Variants in SP100 observed in about 807,000 individuals in gnomAD.
SP100 encodes the protein SP100 nuclear body protein.
A neutral mutation model predicts 130.0 loss-of-function variants in SP100; 84 were observed. The observed-to-expected ratio is 0.65, with a 90% confidence interval of 0.54 to 0.77. The LOEUF is 0.77. SP100 is among the 30% of genes least tolerant of loss of function. The pLI is 0.00. For missense variants in SP100, 978 were observed against 1,052.2 expected, an observed-to-expected ratio of 0.93 and a Z score of 0.97; for synonymous variants, 331 against 351.7, an observed-to-expected ratio of 0.94 and a Z score of 0.66.
chr2:230,528,363 T>A lies in SP100; in HGVS notation c.2095-10904T>A, dbSNP rs763381715. On this transcript the variant is annotated intron_variant, in intron 24 of 28. Transcript: ENST00000340126. ...AACGAAATGAAGGCAGAAATAAATATGTTCTTTGAAACCAATGAGAACAAA... is the reference window on the plus strand; with the variant it reads ...AACGAAATGAAGGCAGAAATAAATAAGTTCTTTGAAACCAATGAGAACAAA... Among the ~76,000 whole-genome samples, 6 of 152,318 alleles carry A rather than the reference T, an allele frequency of 3.9e-5. No homozygotes were observed. In the East Asian group the frequency reaches 9.6e-4, roughly 24 times the overall value.
chr2:230,421,417 A>C (rs1359563974), intron 2 of SP100, among the ~76,000 whole-genome samples: 1 of 151,976 alleles, frequency 6.6e-6, no homozygotes, highest in Non-Finnish European at 1.5e-5. Flanking sequence ...TGTGGATTAC[A>C]TGTATACCTC....
At position 230,524,366 on chromosome 2, in the gene SP100, A is replaced by G. The variant is rs923471754; in HGVS notation, c.2094+13200A>G. On this transcript the variant is annotated intron_variant, in intron 24 of 28. Coordinates refer to ENST00000340126, the MANE Select transcript of SP100 (RefSeq NM_001080391.2). ...AGTGAGATTCCATCTCAAAAAAAAA[A>G]AAAAAGAAAAAGAAAAGAAAAGGAA... Among the ~76,000 whole-genome samples the G allele has an allele frequency of 2.0e-5, 3 of 149,526 alleles. 1 individual carries two copies. The highest frequency in any genetic ancestry group is 2.5e-5 in the African/African-American group (1 of 39,864).
intron 17 of SP100, among the ~76,000 whole-genome samples, chr2:230,486,192 G>A (rs2066081507): frequency 6.6e-6 from 1 of 152,202 alleles, no homozygotes. Flanking sequence ...CCAGGAGAGA[G>A]GGTGAGCTAC....
At chr2:230,445,477 T>C (rs74572125) in intron 4 of SP100, among the ~76,000 whole-genome samples, 3,170 of 152,298 alleles carry the variant, frequency 0.021, 128 homozygotes, top group African/African-American at 0.073. Flanking sequence ...GAATTTAAAG[T>C]TAAGGAATTT....
At chr2:230,449,028 G>T in intron 5 of SP100, 60 bp from the exon 6 acceptor site, 1 of 1,093,100 alleles carries the variant, frequency 9.1e-7, no homozygotes, top group African/African-American at 1.5e-5. Flanking sequence ...AGGGATTAGG[G>T]GAGAATGGCA....
At chr2:230,460,811 G>A (rs2064559467) in intron 8 of SP100, among the ~76,000 whole-genome samples, 1 of 38,892 alleles carries the variant, frequency 2.6e-5, no homozygotes, top group African/African-American at 1.8e-4. Flanking sequence ...TTTTAGTAGA[G>A]ACGGGGTTTC....
At chr2:230,424,579 G>A (rs940991406) in intron 2 of SP100, among the ~76,000 whole-genome samples, 2 of 150,192 alleles carry the variant, frequency 1.3e-5, no homozygotes, top group Non-Finnish European at 2.9e-5. Flanking sequence ...GAGGCAGGGA[G>A]AATTGCTTGA....
At chr2:230,466,548 T>C (rs1000431426) in intron 12 of SP100, among the ~76,000 whole-genome samples, 194 bp downstream of exon 12, 2 of 152,230 alleles carry the variant, frequency 1.3e-5, no homozygotes, top group Non-Finnish European at 2.9e-5. Context: ...TGCTATAACA[T>C]ATGAACCCAA....
chr2:230,458,996 T>C (rs539101060), intron 8 of SP100, among the ~76,000 whole-genome samples: 3 of 152,266 alleles, frequency 2.0e-5, no homozygotes, highest in African/African-American at 7.2e-5. Context: ...GGGCACAGCA[T>C]GTAAGGAGAC....
intron 2 of SP100, among the ~76,000 whole-genome samples, chr2:230,437,276 A>AT (rs1481049404): frequency 1.3e-5 from 2 of 151,886 alleles, no homozygotes; most frequent in African/African-American, 2.4e-5. Flanking sequence ...AAGTTGAACT[A>AT]TTTTTTTGTT....
In SP100 at chr2:230,511,162, CT is replaced by C; in HGVS notation, c.2092del (p.Cys698ValfsTer50). On this transcript the variant is annotated frameshift_variant, in exon 24 of 29. Transcript: ENST00000340126. LOFTEE classifies it high-confidence loss of function. ...LESHNNTLVD[P>X]CPENSNICEV... The stretch of plus-strand genomic sequence containing the variant: ...TCTCACAACAATACCTTAGTTGACC[CT>C]TGTGTAAGTATAAATTTCCGACTAT... 1 of 1,606,970 alleles carries C rather than the reference CT, an allele frequency of 6.2e-7. No homozygotes were observed. The highest frequency in any genetic ancestry group is 8.5e-7 in the Non-Finnish European group (1 of 1,173,690).
rs2062598152 is a variant in SP100 at position 230,416,335 on chromosome 2, CTT to C, written c.32+9_32+10del. 6.2e-7 allele frequency: 1 copy of C among 1,612,016 alleles called. No individual in the cohort carries two copies. Reference sequence around the variant, plus strand: ...GCGGCGACCTGAGCACCAGGTGAGTCTTTATCTCCCTTCCTTTAACCTTTATC... The same window carrying C: ...GCGGCGACCTGAGCACCAGGTGAGTCTATCTCCCTTCCTTTAACCTTTATC... On this transcript the variant is annotated splice_region_variant and intron_variant, in intron 1 of 28. Transcript: ENST00000340126.
chr2:230,475,507 A>G (rs2065496063), intron 17 of SP100, among the ~76,000 whole-genome samples: 1 of 152,138 alleles, frequency 6.6e-6, no homozygotes, highest in Non-Finnish European at 1.5e-5. Context: ...CTCTTTTGGT[A>G]ATTTCTTTTG....
At chr2:230,514,410 TC>T (rs1421329083) in intron 24 of SP100, among the ~76,000 whole-genome samples, 1 of 152,166 alleles carries the variant, frequency 6.6e-6, no homozygotes, top group Non-Finnish European at 1.5e-5. Context: ...GAAAATTAAA[TC>T]CAGGTTCTTC....
chr2:230,486,620 G>C (rs970987825), intron 17 of SP100, among the ~76,000 whole-genome samples: 1 of 152,222 alleles, frequency 6.6e-6, no homozygotes, highest in African/African-American at 2.4e-5. Flanking sequence ...ATTACAAATA[G>C]TGCTGCAATA....
intron 24 of SP100, among the ~76,000 whole-genome samples, chr2:230,513,148 C>G (rs938820662): frequency 7.9e-5 from 12 of 152,184 alleles, no homozygotes; most frequent in African/African-American, 2.2e-4. Context: ...AGTTGGAAAC[C>G]CCTGTTTTGT....
At position 230,474,436 on chromosome 2, in the gene SP100, G is replaced by A; in HGVS notation, c.1589G>A (p.Ser530Asn). 6.7e-7 allele frequency: 1 copy of A among 1,489,506 alleles called. No homozygotes were observed. Among genetic ancestry groups the A allele is most frequent in the Non-Finnish European group, 9.3e-7 (1 of 1,074,102 alleles). 92.3% of individuals were successfully genotyped at this position (1,489,506 alleles called of 1,614,324 possible). ...VENNSTLEKH[S>N]GKRRKKRRHR... is the part of the protein sequence containing the mutation. Reference sequence around the variant, plus strand: ...AACAATTCTACTTTGGAAAAACACAGTGGGAAAAGAAGTAAGAACAAATAA... The same window carrying A: ...AACAATTCTACTTTGGAAAAACACAATGGGAAAAGAAGTAAGAACAAATAA... Residue 530 changes from serine to asparagine, a missense_variant, in exon 17 of 29, where the codon AGT (serine) becomes AAT (asparagine). Ser to Asn is a conservative substitution (Grantham distance 46). Transcript: ENST00000340126.
At chr2:230,494,305 G>A (rs2066545411) in intron 17 of SP100, 111 bp from the exon 18 acceptor site, 8 of 855,930 alleles carry the variant, frequency 9.3e-6, no homozygotes, top group South Asian at 4.5e-5. Context: ...ACTTAGCCCC[G>A]CAAAAGTAGA....
intron 23 of SP100, chr2:230,508,311 C>CTTTTTTT (rs10636838): frequency 2.0e-4 from 29 of 148,174 alleles, no homozygotes; most frequent in Middle Eastern, 3.3e-3. Flanking sequence ...AAATGCCATA[C>CTTTTTTT]TTTTTTTTTT....
Sources: allele counts gnomAD v4.1 joint callset (sites outside exome capture counted in the v4.1 genomes callset), GRCh38; gene constraint gnomAD v4.1.1; transcripts MANE v1.5; gene names NCBI Gene and HGNC (gene_info 2026-07-23, HGNC 2026-07-21).